The following WNK2 variants were observed in gnomAD, a reference collection of about 807,000 sequenced individuals.
WNK2 encodes serine/threonine-protein kinase WNK2.
In WNK2, 67 loss-of-function variants were observed where a neutral mutation model predicts 192.1. That is an observed-to-expected ratio of 0.35 (90% CI 0.29 to 0.43). The LOEUF (loss-of-function observed/expected upper bound fraction) is 0.43. Ranked by LOEUF, WNK2 falls within the 20% of genes least tolerant of loss-of-function variation. The pLI is 1.00. For missense variants in WNK2, 2,698 were observed against 3,089.7 expected (o/e 0.87, Z 3.01); for synonymous variants, 1,439 against 1,393.9 (o/e 1.03, Z -0.72).
intron 29 of WNK2, chr9:93,319,239 C>G (rs1564256799): frequency 2.5e-6 from 4 of 1,593,276 alleles, no homozygotes; most frequent in South Asian, 2.3e-5. Context: ...TTCTTACCCT[C>G]TATCCATATA....
At chr9:93,244,574 C>T (rs534044945) in intron 7 of WNK2, among the ~76,000 whole-genome samples, 4 of 152,328 alleles carry the variant, frequency 2.6e-5, no homozygotes, top group Admixed American at 2.6e-4. Flanking sequence ...ATAGTAATGG[C>T]AGCAGGAGGA....
chr9:93,246,589 C>G (rs1261268959), intron 7 of WNK2, among the ~76,000 whole-genome samples: 1 of 152,238 alleles, frequency 6.6e-6, no homozygotes, highest in Non-Finnish European at 1.5e-5. Flanking sequence ...TCCACTATCC[C>G]TAATATATTT....
chr9:93,268,233 A>C (rs925323848), intron 18 of WNK2, among the ~76,000 whole-genome samples, 168 bp downstream of exon 18: 2 of 152,172 alleles, frequency 1.3e-5, no homozygotes, highest in Non-Finnish European at 2.9e-5. Context: ...GTCACCTGCA[A>C]CCGGCATCAC....
At chr9:93,220,489 G>A (rs1836653792) in intron 2 of WNK2, among the ~76,000 whole-genome samples, 1 of 152,192 alleles carries the variant, frequency 6.6e-6, no homozygotes, top group Non-Finnish European at 1.5e-5. Context: ...TGTGAAGGGG[G>A]ATGGGGCCCA....
In WNK2 at chr9:93,292,918, C is replaced by A; in HGVS notation, c.5453C>A (p.Pro1818His). 6.6e-7 allele frequency: 1 copy of A among 1,526,216 alleles called. No individual in the cohort carries two copies. Among genetic ancestry groups the A allele is most frequent in the Non-Finnish European group, 8.8e-7 (1 of 1,137,486 alleles). The allele number at this position is 1,526,216 out of a possible 1,614,324, so 94.5% of individuals were successfully genotyped here. A position where few individuals can be genotyped will look rare whatever the true frequency, so the allele number is the denominator to read the frequency against. Residue 1818 changes from proline to histidine, a missense_variant, in exon 23 of 30, where the codon CCC becomes CAC. Physicochemically the swap from Pro to His is moderately conservative, Grantham distance 77. Transcript: ENST00000427277. Reference sequence around the variant, plus strand: ...GGGGACGAGGGCCCTCGGGCGAGACCCCCGGTGCAGAAGCAGGCGTCCCTG... The same window carrying A: ...GGGGACGAGGGCCCTCGGGCGAGACACCCGGTGCAGAAGCAGGCGTCCCTG... ...DSGDEGPRAR[P>H]PVQKQASLPV...
At chr9:93,224,668 A>AT (rs1033808368) in intron 2 of WNK2, among the ~76,000 whole-genome samples, 3 of 152,094 alleles carry the variant, frequency 2.0e-5, no homozygotes, top group African/African-American at 7.2e-5. Context: ...TTGTCATCTG[A>AT]TTGACTTTCA....
intron 2 of WNK2, among the ~76,000 whole-genome samples, chr9:93,200,910 AAC>A (rs1156450556): frequency 6.6e-6 from 1 of 152,230 alleles, no homozygotes; most frequent in Non-Finnish European, 1.5e-5. Context: ...AAACAAATGA[AAC>A]AGAAGAAGAT....
chr9:93,244,837 T>C (rs1030048439), intron 7 of WNK2, among the ~76,000 whole-genome samples: 3 of 152,188 alleles, frequency 2.0e-5, no homozygotes, highest in Admixed American at 6.5e-5. Flanking sequence ...TGAGGCTCCC[T>C]AGAAAAAAGT....
chr9:93,266,024 A>G (rs1307513327), intron 16 of WNK2, among the ~76,000 whole-genome samples: 2 of 152,164 alleles, frequency 1.3e-5, no homozygotes, highest in Non-Finnish European at 2.9e-5. Flanking sequence ...AAGTCACCTA[A>G]CATACCTGTG....
Position 93,218,624 on chromosome 9 carries a change from C to T in WNK2, c.682-11072C>T, listed in dbSNP as rs565605634. 2.7e-3 allele frequency among the ~76,000 whole-genome samples: 407 copies of T among 152,236 alleles called. 1 individual carries two copies. The highest frequency in any genetic ancestry group is 6.2e-3 in the African/African-American group (256 of 41,526). On this transcript the variant is annotated intron_variant, in intron 2 of 29. Coordinates refer to ENST00000427277, the MANE Select transcript of WNK2 (RefSeq NM_006648.4). ...TCGAACCACTGCTCTGGTCCAGGGCCGAGGGTTCGAGCAGACATTTCCCCG... is the reference window on the plus strand; with the variant it reads ...TCGAACCACTGCTCTGGTCCAGGGCTGAGGGTTCGAGCAGACATTTCCCCG...
intron 19 of WNK2, among the ~76,000 whole-genome samples, chr9:93,276,845 G>A (rs2133459503): frequency 6.6e-6 from 1 of 152,250 alleles, no homozygotes; most frequent in African/African-American, 2.4e-5. Flanking sequence ...AGACCAGCCT[G>A]GCCAAGATGG....
intron 5 of WNK2, among the ~76,000 whole-genome samples, chr9:93,236,305 C>T (rs1839805884): frequency 6.6e-6 from 1 of 152,118 alleles, no homozygotes; most frequent in South Asian, 2.1e-4. Context: ...TGGGGGTGTA[C>T]ACTACTGGGC....
intron 2 of WNK2, among the ~76,000 whole-genome samples, chr9:93,225,985 TG>T (rs1272469522): frequency 8.5e-5 from 13 of 152,324 alleles, no homozygotes; most frequent in African/African-American, 3.1e-4. Context: ...TCCAGTAACT[TG>T]TTCCACCTAG....
Position 93,289,217 on chromosome 9 carries a change from C to T in WNK2, c.4463C>T (p.Thr1488Ile), listed in dbSNP as rs147174238. The stretch of plus-strand genomic sequence containing the variant: ...CCTGAGCCCAGCCCCCACAGCGGGA[C>T]CCCACAGCCCGCCTTGGGTCAACCT... ...PAPEPSPHSG[T>I]PQPALGQPAP... The change falls in exon 20 of 30, where the codon ACC (threonine) becomes ATC (isoleucine). Residue 1488 changes from threonine (T) to isoleucine (I), a missense_variant. Coordinates refer to ENST00000427277, the MANE Select transcript of WNK2 (RefSeq NM_006648.4). The T allele has an allele frequency of 1.9e-6, 3 of 1,604,270 alleles. No individual in the cohort carries two copies. Among genetic ancestry groups the T allele is most frequent in the East Asian group, 2.2e-5 (1 of 44,778 alleles).
chr9:93,287,997 G>A (rs1848697560), intron 19 of WNK2, among the ~76,000 whole-genome samples: 1 of 152,136 alleles, frequency 6.6e-6, no homozygotes, highest in African/African-American at 2.4e-5. Context: ...AGTGAGGCGA[G>A]ATTGCACCAC....
chr9:93,289,035 C>T lies in WNK2; in HGVS notation c.4281C>T (p.Thr1427=). 6.2e-7 allele frequency: 1 copy of T among 1,604,392 alleles called. No homozygotes were observed. Among genetic ancestry groups the T allele is most frequent in the African/African-American group, 1.3e-5 (1 of 74,910 alleles). ...GTCCAGGGACACCTCAGGGGCTGAC[C>T]AGTGAGCTCGAGACGTCTCAGCCAC... is the stretch of plus-strand genomic sequence containing the variant. ...AGGPGTPQGL[T]SELETSQPLA... Residue 1427 remains threonine, a synonymous_variant, in exon 20 of 30, where the codon ACC becomes ACT. Transcript: ENST00000427277.
At chr9:93,310,878 C>T (rs558312870) in intron 28 of WNK2, among the ~76,000 whole-genome samples, 3 of 152,262 alleles carry the variant, frequency 2.0e-5, no homozygotes, top group Admixed American at 6.5e-5. Context: ...GTGGGAGGAT[C>T]GCTGGAGCCC....
At position 93,229,746 on chromosome 9, in the gene WNK2, G is replaced by T. The variant is rs1838415056; in HGVS notation, c.732G>T (p.Glu244Asp). Residue 244 changes from glutamate (E) to aspartate (D), a missense_variant, in exon 3 of 30, where the codon GAG becomes GAT. Physicochemically the swap from Glu to Asp is conservative, Grantham distance 45. This residue lies in a region of WNK2 where 230 missense variants were observed against 501.1 expected (regional missense o/e 0.46). Coordinates refer to ENST00000427277, the MANE Select transcript of WNK2 (RefSeq NM_006648.4). The surrounding 1 kb of genome is among the most constrained non-coding windows in gnomAD (Gnocchi z 4.9). ...GGCAGCGGTTCAAGGAAGAGGCTGA[G>T]ATGCTGAAAGGCCTGCAGCACCCCA... ...LERQRFKEEA[E>D]MLKGLQHPNI... The T allele has an allele frequency of 6.2e-7, 1 of 1,613,570 alleles. No individual in the cohort carries two copies. The highest frequency in any genetic ancestry group is 1.3e-5 in the African/African-American group (1 of 74,926).
intron 8 of WNK2, among the ~76,000 whole-genome samples, chr9:93,251,196 A>G (rs1842548778): frequency 6.6e-6 from 1 of 151,908 alleles, no homozygotes; most frequent in Non-Finnish European, 1.5e-5. Flanking sequence ...GCTCACTGCA[A>G]CCACCATCTC....
Sources: allele counts gnomAD v4.1 joint callset (sites outside exome capture counted in the v4.1 genomes callset), GRCh38; gene constraint gnomAD v4.1.1; regional missense constraint gnomAD v4.1.1; non-coding constraint Gnocchi (gnomAD v3.1); transcripts MANE v1.5; gene names NCBI Gene and HGNC (gene_info 2026-07-23, HGNC 2026-07-21).